ANGPT2: variants seen among roughly 807,000 people sequenced by gnomAD.
The protein encoded by ANGPT2 is angiopoietin 2.
Under a neutral mutation model 62.9 loss-of-function variants are expected in ANGPT2, and 28 were observed. The observed-to-expected ratio is 0.44, with a 90% CI of 0.33 to 0.61. ANGPT2 has a LOEUF of 0.61. Among genes scored for constraint, ANGPT2 ranks in the 20% least tolerant of loss-of-function variants. ANGPT2 has a pLI of 0.03. For missense variants in ANGPT2, 727 were observed against 594.9 expected, an observed-to-expected ratio of 1.22 and a Z score of -2.31; for synonymous variants, 284 against 207.8, an observed-to-expected ratio of 1.37 and a Z score of -3.15.
rs748140296 is a variant in ANGPT2 at position 6,562,634 on chromosome 8, AT to A, written c.288+12del. On this transcript the variant is annotated intron_variant, in intron 1 of 8. Coordinates refer to ENST00000629816, the MANE Select transcript of ANGPT2 (RefSeq NM_001118887.2). ...ATAGCATGTTCACAAAGACAGATGG[AT>A]TTTTTTCCTACCTTCATTAGCCACT... The A allele has an allele frequency of 6.7e-7, 1 of 1,496,108 alleles. No individual in the cohort carries two copies. The highest frequency in any genetic ancestry group is 2.5e-5 in the East Asian group (1 of 39,626). The allele number at this position is 1,496,108 out of a possible 1,614,324, so 92.7% of individuals were successfully genotyped here. A position where few individuals can be genotyped will look rare whatever the true frequency, so the allele number is the denominator to read the frequency against.
At chr8:6,528,553 G>A (rs924455277) in intron 2 of ANGPT2, among the ~76,000 whole-genome samples, 2 of 152,194 alleles carry the variant, frequency 1.3e-5, no homozygotes, top group South Asian at 2.1e-4. Flanking sequence ...AATCGAAGCC[G>A]TATAGCGTGA....
chr8:6,503,749 G>A (rs1450948480), intron 8 of ANGPT2, among the ~76,000 whole-genome samples: 1 of 152,208 alleles, frequency 6.6e-6, no homozygotes, highest in Non-Finnish European at 1.5e-5. Flanking sequence ...TAAAAAGGAA[G>A]TCTCTATGTT....
At chr8:6,504,605 AAG>A (rs1327523680) in intron 8 of ANGPT2, among the ~76,000 whole-genome samples, 3 of 152,186 alleles carry the variant, frequency 2.0e-5, no homozygotes, top group Non-Finnish European at 4.4e-5. Context: ...AGATATGTCA[AAG>A]AGAAGCTGTA....
At chr8:6,508,574 T>G (rs1377677806) in intron 8 of ANGPT2, 12 of 424,154 alleles carry the variant, frequency 2.8e-5, no homozygotes, top group African/African-American at 1.2e-4. Flanking sequence ...TTGTGGTTGC[T>G]ACTTGGAATT....
rs1225280979 is a variant in ANGPT2, at chr8:6,562,946, T to G, written c.-12A>C. On this transcript the variant is annotated 5_prime_UTR_variant, in exon 1 of 9. Transcript: ENST00000629816. ...ACAATCTGCCACATTCTTTCTTCAG[T>G]AATAAACCAGCAGCTTAGCAAACTT... is the stretch of plus-strand genomic sequence containing the variant. 6.4e-7 allele frequency: 1 copy of G among 1,571,008 alleles called. No individual in the cohort carries two copies. Among genetic ancestry groups the G allele is most frequent in the South Asian group, 1.2e-5 (1 of 86,166 alleles).
intron 1 of ANGPT2, among the ~76,000 whole-genome samples, chr8:6,533,820 C>T (rs1819995483): frequency 1.3e-5 from 2 of 152,064 alleles, no homozygotes; most frequent in South Asian, 4.2e-4. Context: ...TGATTTCCCC[C>T]AAAATGTTAA....
intron 1 of ANGPT2, among the ~76,000 whole-genome samples, chr8:6,533,281 A>T (rs937272311): frequency 3.3e-5 from 5 of 152,234 alleles, no homozygotes; most frequent in Non-Finnish European, 4.4e-5. Context: ...AGCTCATTTC[A>T]CTGCCATTGG....
chr8:6,502,581 G>A lies in ANGPT2; in HGVS notation c.*520C>T, dbSNP rs986702341. 10 of 152,326 alleles carry A rather than the reference G, an allele frequency of 6.6e-5. No individual in the cohort carries two copies. Among genetic ancestry groups the A allele is most frequent in the African/African-American group, 2.2e-4 (9 of 41,452 alleles). 9.4% of individuals were successfully genotyped at this position (152,326 alleles called of 1,614,324 possible). ...TGTTTTTCCAAATATTAAACTTCTA[G>A]TAACCCCTTCTCAGAATATCCCTGA... On this transcript the variant is annotated 3_prime_UTR_variant, in exon 9 of 9. Transcript: ENST00000629816.
intron 4 of ANGPT2, 102 bp downstream of exon 4, chr8:6,521,076 A>T: frequency 1.3e-6 from 1 of 794,750 alleles, no homozygotes; most frequent in South Asian, 1.9e-5. Context: ...GAAATATATG[A>T]GAAATAGCGC....
chr8:6,522,566 G>A (rs1817566459), intron 3 of ANGPT2, among the ~76,000 whole-genome samples: 1 of 152,036 alleles, frequency 6.6e-6, no homozygotes, highest in African/African-American at 2.4e-5. Context: ...TAGAGTCCAG[G>A]AGCTTGAGAG....
chr8:6,505,540 T>A (rs11786947), intron 8 of ANGPT2, among the ~76,000 whole-genome samples: 1 of 67,356 alleles, frequency 1.5e-5, no homozygotes, highest in Non-Finnish European at 4.0e-5. Context: ...TATGTATATA[T>A]AGAATATATA....
rs1389527686 is a variant in ANGPT2 at position 6,501,814 on chromosome 8, C to T, written c.*1287G>A. 1.3e-5 allele frequency: 2 copies of T among 152,080 alleles called. No individual in the cohort carries two copies. Among genetic ancestry groups the T allele is most frequent in the Non-Finnish European group, 2.9e-5 (2 of 68,062 alleles). 9.4% of individuals were successfully genotyped at this position (152,080 alleles called of 1,614,324 possible). A position where few individuals can be genotyped will look rare whatever the true frequency, so the allele number is the denominator to read the frequency against. Reference sequence around the variant, plus strand: ...TCAGGTGATCTGCCCACCTTGCCTACCAATGTACTGGGATTATAGGTGTGA... The same window carrying T: ...TCAGGTGATCTGCCCACCTTGCCTATCAATGTACTGGGATTATAGGTGTGA... On this transcript the variant is annotated 3_prime_UTR_variant, in exon 9 of 9. Transcript: ENST00000629816.
At chr8:6,530,705 A>T (rs1819329642) in intron 2 of ANGPT2, among the ~76,000 whole-genome samples, 1 of 151,984 alleles carries the variant, frequency 6.6e-6, no homozygotes. Context: ...AACTGTTGTG[A>T]TATTGTGGAA....
At chr8:6,544,345 T>C (rs1324138526) in intron 1 of ANGPT2, among the ~76,000 whole-genome samples, 1 of 152,140 alleles carries the variant, frequency 6.6e-6, no homozygotes, top group African/African-American at 2.4e-5. Flanking sequence ...GTGATGATTA[T>C]AGTTTGACTG....
rs117340367 is a variant in ANGPT2, at chr8:6,533,110, T to A, written c.289-623A>T. On this transcript the variant is annotated intron_variant, in intron 1 of 8. Coordinates refer to ENST00000629816, the MANE Select transcript of ANGPT2 (RefSeq NM_001118887.2). ...AATTTTTCCTAACATGTATGCATTTTTCACAATTTTGTCATTTCATGTATC... is the reference window on the plus strand; with the variant it reads ...AATTTTTCCTAACATGTATGCATTTATCACAATTTTGTCATTTCATGTATC... Among the ~76,000 whole-genome samples the A allele has an allele frequency of 8.3e-4, 127 of 152,364 alleles. 1 individual carries two copies. The East Asian group carries it at 0.019, about 22-fold the overall frequency.
chr8:6,508,847 C>T (rs1297704870), intron 8 of ANGPT2, 85 bp downstream of exon 8: 1 of 1,564,966 alleles, frequency 6.4e-7, no homozygotes. Flanking sequence ...TTACAAATCA[C>T]AATTTGTAGT....
intron 1 of ANGPT2, among the ~76,000 whole-genome samples, chr8:6,544,026 T>G (rs1822089576): frequency 6.6e-6 from 1 of 152,242 alleles, no homozygotes; most frequent in African/African-American, 2.4e-5. Flanking sequence ...GTAGAATGTT[T>G]TCAGATAAGA....
At position 6,505,348 on chromosome 8, in the gene ANGPT2, ATTC is replaced by A. The variant is rs1447495520; in HGVS notation, c.1328-2090_1328-2088del. Among the ~76,000 whole-genome samples, 19 of 50,202 alleles carry A rather than the reference ATTC, an allele frequency of 3.8e-4. 3 individuals are homozygous for A. The highest frequency in any genetic ancestry group is 3.6e-3 in the Admixed American group (19 of 5,334). 32.9% of individuals were successfully genotyped at this position (50,202 alleles called of 152,430 possible). A position where few individuals can be genotyped will look rare whatever the true frequency, so the allele number is the denominator to read the frequency against. On this transcript the variant is annotated intron_variant, in intron 8 of 8. Transcript: ENST00000629816. ...ATATACATATAGAAAGAATATATAT[ATTC>A]TTTCTATATGTATATAGAATATATA...
intron 4 of ANGPT2, 93 bp downstream of exon 4, chr8:6,521,085 G>A (rs139525409): frequency 2.4e-4 from 214 of 876,348 alleles, no homozygotes; most frequent in African/African-American, 2.0e-3. Context: ...GAGAAATAGC[G>A]CCTTTTCTGA....
Sources: gnomAD v4.1 joint callset for allele counts (sites outside exome capture counted in the v4.1 genomes callset) on GRCh38, gnomAD v4.1.1 for gene constraint, MANE v1.5 for transcripts, NCBI Gene and HGNC (gene_info 2026-07-23, HGNC 2026-07-21) for gene names.